Variants in ADCY9 observed in about 807,000 individuals in gnomAD.
ADCY9 encodes adenylate cyclase type 9.
In ADCY9, 50 loss-of-function variants were observed where a neutral mutation model predicts 101.5. The observed-to-expected ratio is 0.49, with a 90% CI of 0.39 to 0.62. The LOEUF (loss-of-function observed/expected upper bound fraction) is 0.62. Among genes scored for constraint, ADCY9 ranks in the 20% least tolerant of loss-of-function variants. ADCY9 has a pLI of 0.00. For missense variants in ADCY9, 1,662 were observed against 1,800.4 expected, an observed-to-expected ratio of 0.92 and a Z score of 1.39; for synonymous variants, 905 against 769.3, an observed-to-expected ratio of 1.18 and a Z score of -2.92.
At chr16:4,063,588 T>C (rs2056784412) in intron 2 of ADCY9, among the ~76,000 whole-genome samples, 1 of 151,840 alleles carries the variant, frequency 6.6e-6, no homozygotes, top group African/African-American at 2.4e-5. Flanking sequence ...GGTACACACC[T>C]GTAGCCTCAG....
chr16:3,971,837 G>A (rs959538919), intron 10 of ADCY9, among the ~76,000 whole-genome samples: 1 of 152,154 alleles, frequency 6.6e-6, no homozygotes, highest in Admixed American at 6.5e-5. Context: ...CTGTATCTGG[G>A]CTTCTCAATC....
At chr16:4,113,140 G>C (rs927949360) in intron 2 of ADCY9, among the ~76,000 whole-genome samples, 2 of 150,972 alleles carry the variant, frequency 1.3e-5, no homozygotes, top group Non-Finnish European at 2.9e-5. Context: ...TTAAACAAAT[G>C]ATGGCTGAAA....
intron 2 of ADCY9, among the ~76,000 whole-genome samples, chr16:4,061,785 C>G (rs915903264): frequency 6.6e-6 from 1 of 152,114 alleles, no homozygotes; most frequent in Non-Finnish European, 1.5e-5. Flanking sequence ...ATAAAGAATG[C>G]TAGTAATACT....
intron 5 of ADCY9, among the ~76,000 whole-genome samples, chr16:3,990,170 G>A (rs1001356626): frequency 1.3e-5 from 2 of 152,148 alleles, no homozygotes; most frequent in Non-Finnish European, 2.9e-5. Context: ...ACTATCAGAA[G>A]TAAATTAGAC....
At position 4,114,010 on chromosome 16, in the gene ADCY9, T is replaced by G; in HGVS notation, c.1433A>C (p.Gln478Pro). ...GMIKAIEQFC[Q>P]EKKEMVNMRV... ...CATGTTCACCATCTCCTTCTTCTCCTGGCAGAACTGCTCGATGGCCTTGAT... is the reference window on the plus strand; with the variant it reads ...CATGTTCACCATCTCCTTCTTCTCCGGGCAGAACTGCTCGATGGCCTTGAT... The change falls in exon 2 of 11, where the codon CAG (glutamine) becomes CCG (proline). Residue 478 changes from glutamine to proline, a missense_variant. Transcript: ENST00000294016. The surrounding 1 kb of genome is among the most constrained non-coding windows in gnomAD (Gnocchi z 4.3). 1 of 1,613,872 alleles carries G rather than the reference T, an allele frequency of 6.2e-7. No homozygotes were observed. The highest frequency in any genetic ancestry group is 8.5e-7 in the Non-Finnish European group (1 of 1,180,048).
intron 2 of ADCY9, among the ~76,000 whole-genome samples, chr16:4,076,373 C>T (rs2056867311): frequency 6.6e-6 from 1 of 152,172 alleles, no homozygotes; most frequent in Admixed American, 6.5e-5. Context: ...CTTAAAAATT[C>T]AACAAAATAA....
chr16:4,006,487 C>T (rs2056368250), intron 3 of ADCY9, among the ~76,000 whole-genome samples: 3 of 152,162 alleles, frequency 2.0e-5, no homozygotes, highest in South Asian at 4.1e-4. Flanking sequence ...CTCGTAAATA[C>T]CAATAGCGGC....
At chr16:4,050,015 A>G (rs1193868118) in intron 2 of ADCY9, among the ~76,000 whole-genome samples, 2 of 149,610 alleles carry the variant, frequency 1.3e-5, no homozygotes, top group Non-Finnish European at 3.0e-5. Flanking sequence ...TGGGTGACAG[A>G]GTGAGACTGT....
At chr16:4,039,601 C>A (rs1398950036) in intron 2 of ADCY9, among the ~76,000 whole-genome samples, 1 of 150,158 alleles carries the variant, frequency 6.7e-6, no homozygotes, top group Non-Finnish European at 1.5e-5. Flanking sequence ...ATCACTTGAA[C>A]CTGGGAGGCA....
rs906369306 is a variant in ADCY9 at position 3,966,370 on chromosome 16, ATGT to A, written c.3464_3466del (p.Asn1155del). On this transcript the variant is annotated inframe_deletion, in exon 11 of 11. Transcript: ENST00000294016. ...GCGGAGCTTGAAGTTGAACCACAGC[ATGT>A]TGTTGTTGAAGTCGTCCACCACGCG... is the stretch of plus-strand genomic sequence containing the variant. 1.9e-6 allele frequency: 3 copies of A among 1,614,010 alleles called. No homozygotes were observed. The highest frequency in any genetic ancestry group is 2.5e-6 in the Non-Finnish European group (3 of 1,180,000).
chr16:4,004,251 TAAAAAAAAAAA>T (rs71133681), intron 3 of ADCY9, among the ~76,000 whole-genome samples: 2 of 107,722 alleles, frequency 1.9e-5, no homozygotes, highest in Admixed American at 1.1e-4. Context: ...CCCATCTCTT[TAAAAAAAAAAA>T]AAAAAAAAAA....
At chr16:3,979,518 CT>C (rs2056122710) in intron 7 of ADCY9, among the ~76,000 whole-genome samples, 1 of 152,216 alleles carries the variant, frequency 6.6e-6, no homozygotes, top group Non-Finnish European at 1.5e-5. Flanking sequence ...ATAAAATATG[CT>C]TGTGAAAAGC....
At chr16:3,987,153 T>G (rs569711985) in intron 6 of ADCY9, among the ~76,000 whole-genome samples, 2 of 152,038 alleles carry the variant, frequency 1.3e-5, no homozygotes, top group African/African-American at 2.4e-5. Flanking sequence ...GGCTCAGGAG[T>G]TCCCCCCTTG....
intron 9 of ADCY9, among the ~76,000 whole-genome samples, chr16:3,975,514 C>T (rs139024987): frequency 5.9e-5 from 9 of 152,262 alleles, no homozygotes; most frequent in Admixed American, 2.0e-4. Flanking sequence ...GACAATACTG[C>T]GGCAAATAGA....
chr16:4,099,725 A>T (rs539019829), intron 2 of ADCY9, among the ~76,000 whole-genome samples: 82 of 152,314 alleles, frequency 5.4e-4, no homozygotes, highest in Non-Finnish European at 8.1e-4. Context: ...GTTTATATTG[A>T]TTCTTGAAAA....
chr16:4,016,736 C>T (rs2056441041), intron 2 of ADCY9, among the ~76,000 whole-genome samples: 1 of 152,140 alleles, frequency 6.6e-6, no homozygotes, highest in African/African-American at 2.4e-5. Flanking sequence ...CAAAAGGCCA[C>T]GAACTAGGTG....
intron 2 of ADCY9, among the ~76,000 whole-genome samples, chr16:4,047,571 G>A (rs1043752617): frequency 6.6e-6 from 1 of 151,996 alleles, no homozygotes; most frequent in Admixed American, 6.5e-5. Context: ...ACGCACACTG[G>A]TATTCGTTCA....
intron 6 of ADCY9, among the ~76,000 whole-genome samples, chr16:3,984,743 C>T (rs2056175921): frequency 6.6e-6 from 1 of 152,252 alleles, no homozygotes; most frequent in Non-Finnish European, 1.5e-5. Flanking sequence ...TTGCAACCTT[C>T]TGGCAACCCC....
intron 2 of ADCY9, among the ~76,000 whole-genome samples, chr16:4,068,911 A>G (rs1326605216): frequency 6.6e-6 from 1 of 152,098 alleles, no homozygotes; most frequent in Non-Finnish European, 1.5e-5. Context: ...CTATTCCACC[A>G]TAAGGACAGA....
Sources: gnomAD v4.1 joint callset for allele counts (sites outside exome capture counted in the v4.1 genomes callset) on GRCh38, gnomAD v4.1.1 for gene constraint, Gnocchi (gnomAD v3.1) non-coding constraint, MANE v1.5 for transcripts, NCBI Gene and HGNC (gene_info 2026-07-23, HGNC 2026-07-21) for gene names.